TFDP2: variants seen among roughly 807,000 people sequenced by gnomAD.
The protein encoded by TFDP2 is transcription factor Dp-2.
In TFDP2, 17 loss-of-function variants were observed where a neutral mutation model predicts 59.3. The observed-to-expected ratio is 0.29, with a 90% CI of 0.20 to 0.43. The LOEUF (loss-of-function observed/expected upper bound fraction) is 0.43. TFDP2 is among the 20% of genes least tolerant of loss of function. The pLI is 1.00. For missense variants in TFDP2, 391 were observed against 528.8 expected, an observed-to-expected ratio of 0.74 and a Z score of 2.56; for synonymous variants, 180 against 194.7, an observed-to-expected ratio of 0.92 and a Z score of 0.63.
intron 3 of TFDP2, among the ~76,000 whole-genome samples, chr3:142,068,196 A>C (rs2060133588): frequency 6.6e-6 from 1 of 152,168 alleles, no homozygotes; most frequent in South Asian, 2.1e-4. Flanking sequence ...TCTTTTCAAT[A>C]AATGAGGCCA....
rs10587862 is a variant in TFDP2, at chr3:142,045,612, CT to C, written c.83-40069del. Among the ~76,000 whole-genome samples, 574 of 131,900 alleles carry C rather than the reference CT, an allele frequency of 4.4e-3. 4 individuals carry two copies. The highest frequency in any genetic ancestry group is 0.012 in the African/African-American group (421 of 34,970). The allele number at this position is 131,900 out of a possible 152,430, so 86.5% of individuals were successfully genotyped here. A position where few individuals can be genotyped will look rare whatever the true frequency, so the allele number is the denominator to read the frequency against. Reference sequence around the variant, plus strand: ...CTCTGTCCACCTAGGTATTATTTGACTTTTTTTTTTTTTTTTTTTAGACCAA... The same window carrying C: ...CTCTGTCCACCTAGGTATTATTTGACTTTTTTTTTTTTTTTTTTAGACCAA... On this transcript the variant is annotated intron_variant, in intron 3 of 12. Coordinates refer to ENST00000489671, the MANE Select transcript of TFDP2 (RefSeq NM_001178139.2).
At chr3:142,088,831 A>G (rs990091998) in intron 3 of TFDP2, among the ~76,000 whole-genome samples, 2 of 144,560 alleles carry the variant, frequency 1.4e-5, no homozygotes, top group African/African-American at 2.6e-5. Context: ...CCTGGATTTA[A>G]TATCTTTTTT....
intron 1 of TFDP2, among the ~76,000 whole-genome samples, chr3:142,116,208 C>A (rs1387942646): frequency 6.6e-6 from 1 of 152,010 alleles, no homozygotes; most frequent in Admixed American, 6.6e-5. Flanking sequence ...GGTATACAGG[C>A]ATATACCCTA....
rs1008673990 is a variant in TFDP2 at position 141,952,098 on chromosome 3, G to A, written c.*415C>T. ...TTTCTGCCTTGTCAAAGGCAGTCCA[G>A]GCAAGGAAGAGAAACGTCAGAAACA... On this transcript the variant is annotated 3_prime_UTR_variant, in exon 13 of 13. Transcript: ENST00000489671. 6.5e-6 allele frequency: 1 copy of A among 154,656 alleles called. No homozygotes were observed. Among genetic ancestry groups the A allele is most frequent in the African/African-American group, 2.4e-5 (1 of 41,470 alleles). The allele number at this position is 154,656 out of a possible 1,614,324, so 9.6% of individuals were successfully genotyped here. A position where few individuals can be genotyped will look rare whatever the true frequency, so the allele number is the denominator to read the frequency against.
At chr3:142,075,985 C>A (rs1019465420) in intron 3 of TFDP2, among the ~76,000 whole-genome samples, 2 of 149,044 alleles carry the variant, frequency 1.3e-5, no homozygotes, top group African/African-American at 2.5e-5. Flanking sequence ...CTGAGGCGGG[C>A]GGATCACCTG....
chr3:142,130,242 CAT>C (rs1023176942), intron 1 of TFDP2, among the ~76,000 whole-genome samples: 13 of 152,026 alleles, frequency 8.6e-5, no homozygotes, highest in Non-Finnish European at 1.6e-4. Flanking sequence ...GTAACATATA[CAT>C]AGAGTATTAT....
At chr3:142,087,813 T>C (rs347684) in intron 3 of TFDP2, among the ~76,000 whole-genome samples, 135,680 of 152,238 alleles carry the variant, frequency 0.89, 60,713 homozygotes, top group African/African-American at 0.97. Context: ...ATTTTGCATA[T>C]TTCTTTACTG....
At chr3:141,964,958 C>T (rs1281886706) in intron 9 of TFDP2, among the ~76,000 whole-genome samples, 2 of 152,128 alleles carry the variant, frequency 1.3e-5, no homozygotes, top group African/African-American at 4.8e-5. Context: ...ACTCAAAAGC[C>T]AAAGAAAGTG....
intron 1 of TFDP2, among the ~76,000 whole-genome samples, chr3:142,110,991 C>T (rs2061637839): frequency 6.6e-6 from 1 of 151,798 alleles, no homozygotes; most frequent in Admixed American, 6.6e-5. Flanking sequence ...AATGCTCATC[C>T]TTAAAGATAC....
chr3:142,041,394 T>C (rs765157970), intron 3 of TFDP2, among the ~76,000 whole-genome samples: 1 of 152,200 alleles, frequency 6.6e-6, no homozygotes, highest in Non-Finnish European at 1.5e-5. Flanking sequence ...GGGAGGTAAT[T>C]GAATCATGAG....
chr3:142,044,697 C>T (rs978523561), intron 3 of TFDP2, among the ~76,000 whole-genome samples: 9 of 152,070 alleles, frequency 5.9e-5, no homozygotes, highest in Non-Finnish European at 5.9e-5. Flanking sequence ...AAAATTCCAA[C>T]ACAGAAGAGT....
At chr3:141,979,406 A>C (rs1941189345) in intron 6 of TFDP2, among the ~76,000 whole-genome samples, 2 of 152,310 alleles carry the variant, frequency 1.3e-5, no homozygotes, top group Admixed American at 1.3e-4. Context: ...TATAAATTAA[A>C]GTTAACTGTA....
intron 2 of TFDP2, among the ~76,000 whole-genome samples, chr3:142,099,434 G>A (rs956026232): frequency 4.6e-5 from 7 of 152,154 alleles, no homozygotes; most frequent in Non-Finnish European, 8.8e-5. Flanking sequence ...AGGCGCGGTG[G>A]CTCACACTTA....
chr3:142,101,322 A>G (rs1576985556), intron 2 of TFDP2, among the ~76,000 whole-genome samples: 1 of 151,736 alleles, frequency 6.6e-6, no homozygotes, highest in Non-Finnish European at 1.5e-5. Flanking sequence ...CTACTTTCAG[A>G]CAATATCTGA....
At chr3:142,104,924 G>A (rs12107150) in intron 1 of TFDP2, among the ~76,000 whole-genome samples, 26,988 of 152,088 alleles carry the variant, frequency 0.18, 2,619 homozygotes, top group Middle Eastern at 0.24. Flanking sequence ...AAGCAGCAGT[G>A]CAGTAGAGTG....
intron 3 of TFDP2, among the ~76,000 whole-genome samples, chr3:142,055,941 CTTTTTTTTTTTT>C (rs529693273): frequency 4.3e-5 from 3 of 70,210 alleles, no homozygotes; most frequent in South Asian, 1.6e-3. Flanking sequence ...TATTAAGTAC[CTTTTTTTTTTTT>C]TTTTTTTTTT....
intron 4 of TFDP2, 26 bp from the exon 5 acceptor site, chr3:141,995,167 A>G (rs1943149454): frequency 4.0e-6 from 6 of 1,515,488 alleles, no homozygotes; most frequent in Non-Finnish European, 5.3e-6. Flanking sequence ...CAAAGAATAT[A>G]ATATTCTTAA....
intron 1 of TFDP2, among the ~76,000 whole-genome samples, chr3:142,103,396 T>C (rs182705874): frequency 1.8e-4 from 27 of 152,212 alleles, no homozygotes; most frequent in Admixed American, 7.2e-4. Flanking sequence ...GACTGGATAA[T>C]AGTATTGTTT....
chr3:142,142,172 G>C (rs1011159960), intron 1 of TFDP2, among the ~76,000 whole-genome samples: 10 of 152,196 alleles, frequency 6.6e-5, no homozygotes, highest in Non-Finnish European at 1.0e-4. Flanking sequence ...CCTGTTTGCA[G>C]ATGATGCAAT....
Sources: allele counts gnomAD v4.1 joint callset (sites outside exome capture counted in the v4.1 genomes callset), GRCh38; gene constraint gnomAD v4.1.1; transcripts MANE v1.5; gene names NCBI Gene and HGNC (gene_info 2026-07-23, HGNC 2026-07-21).